The following PHIP variants were observed in gnomAD, a reference collection of about 807,000 sequenced individuals.
The protein encoded by PHIP is PH-interacting protein.
Under a neutral mutation model 236.8 loss-of-function variants are expected in PHIP, and 54 were observed. The observed-to-expected ratio is 0.23, with a 90% CI of 0.18 to 0.29. The LOEUF (loss-of-function observed/expected upper bound fraction) is 0.29, where lower values mean the gene tolerates loss of function less well. PHIP is among the 10% of genes least tolerant of loss of function. PHIP has a pLI of 1.00. For missense variants in PHIP, 1,370 were observed against 2,190.8 expected, an observed-to-expected ratio of 0.63 and a Z score of 7.48; for synonymous variants, 756 against 718.9, an observed-to-expected ratio of 1.05 and a Z score of -0.83.
chr6:78,997,562 G>A lies in PHIP; in HGVS notation c.2053C>T (p.Pro685Ser), dbSNP rs775612705. The A allele has an allele frequency of 6.2e-7, 1 of 1,613,756 alleles. No individual in the cohort carries two copies. The highest frequency in any genetic ancestry group is 1.1e-5 in the South Asian group (1 of 91,056). The change falls in exon 19 of 40, where the codon CCA (proline) becomes TCA (serine). Residue 685 changes from proline to serine, a missense_variant. Around this residue, in one of 14 missense-constraint regions of PHIP, gnomAD observed 133 missense variants for 245.2 expected, o/e 0.54. Transcript: ENST00000275034. ...ISSTSEVHSP[P>S]NVGLRRSGQI... is the part of the protein sequence containing the mutation. ...CCACTACGTCTTAGTCCTACGTTTG[G>A]TGGTGAATGAACCTCTGAGGTAGAA... is the stretch of plus-strand genomic sequence containing the variant.
rs1039402506 is a variant in PHIP, at chr6:79,078,229, G to A, written c.-161C>T. On this transcript the variant is annotated 5_prime_UTR_variant, in exon 1 of 40. Coordinates refer to ENST00000275034, the MANE Select transcript of PHIP (RefSeq NM_017934.7). ...GGCGGAGGCGGAGGAGGAGGAGGAG[G>A]AAACAACAACTCTCAGGCAGCGACT... 10 of 647,986 alleles carry A rather than the reference G, an allele frequency of 1.5e-5. No individual in the cohort carries two copies. The highest frequency in any genetic ancestry group is 7.7e-5 in the South Asian group (4 of 51,736). 40.1% of individuals were successfully genotyped at this position (647,986 alleles called of 1,614,324 possible).
intron 19 of PHIP, among the ~76,000 whole-genome samples, chr6:78,992,109 T>C (rs1008760661): frequency 6.6e-6 from 1 of 151,564 alleles, no homozygotes; most frequent in Non-Finnish European, 1.5e-5. Flanking sequence ...ACTACATGCG[T>C]CCGCCACCTC....
chr6:78,963,284 A>G (rs754666635), intron 29 of PHIP, 32 bp from the exon 30 acceptor site: 1 of 1,552,258 alleles, frequency 6.4e-7, no homozygotes, highest in South Asian at 1.2e-5. Context: ...TTGCAAATAC[A>G]TGGTAACTTA....
chr6:78,947,550 A>C (rs190087622), intron 36 of PHIP, 73 bp downstream of exon 36: 1 of 713,596 alleles, frequency 1.4e-6, no homozygotes, highest in Admixed American at 2.8e-5. Flanking sequence ...ATTTTAAGTA[A>C]AGCAACATTT....
intron 15 of PHIP, among the ~76,000 whole-genome samples, chr6:79,006,658 T>A (rs1770307168): frequency 6.6e-6 from 1 of 152,068 alleles, no homozygotes; most frequent in South Asian, 2.1e-4. Context: ...AATTTAATAC[T>A]ACATATAGCT....
Position 78,982,986 on chromosome 6 carries a change from T to C in PHIP, c.2669A>G (p.Gln890Arg), listed in dbSNP as rs779671296. 2 of 1,609,670 alleles carry C rather than the reference T, an allele frequency of 1.2e-6. No individual in the cohort carries two copies. Among genetic ancestry groups the C allele is most frequent in the South Asian group, 2.2e-5 (2 of 90,482 alleles). Reference sequence around the variant, plus strand: ...TTCCTTTTTAATCTGTTTTTGCTTCTGTTTTTCAGATTCTTCTTCTTCATC... The same window carrying C: ...TTCCTTTTTAATCTGTTTTTGCTTCCGTTTTTCAGATTCTTCTTCTTCATC... Reference protein sequence around the residue: ...SSDEEEESEKQKQKQIKKEKK... With the variant: ...SSDEEEESEKRKQKQIKKEKK... Residue 890 changes from glutamine (Q) to arginine (R), a missense_variant, in exon 23 of 40, where the codon CAG becomes CGG. Physicochemically the swap from Gln to Arg is conservative, Grantham distance 43. This residue lies in a region of PHIP where 76 missense variants were observed against 76.4 expected (regional missense o/e 0.99). Transcript: ENST00000275034.
intron 4 of PHIP, among the ~76,000 whole-genome samples, chr6:79,062,905 C>G (rs1437735805): frequency 3.9e-5 from 6 of 152,196 alleles, no homozygotes; most frequent in Non-Finnish European, 8.8e-5. Flanking sequence ...CTTCCATGAC[C>G]TATTTACACC....
chr6:78,982,799 CAAT>C (rs1768625114), intron 23 of PHIP, 84 bp downstream of exon 23: 1 of 785,482 alleles, frequency 1.3e-6, no homozygotes, highest in South Asian at 2.0e-5. Context: ...TACACTTCAA[CAAT>C]GTTTGTGATC....
chr6:79,048,320 G>A (rs1490744268), intron 6 of PHIP, among the ~76,000 whole-genome samples: 1 of 151,818 alleles, frequency 6.6e-6, no homozygotes, highest in East Asian at 1.9e-4. Flanking sequence ...ACATAATAAA[G>A]TTACCTCATT....
intron 6 of PHIP, among the ~76,000 whole-genome samples, chr6:79,059,625 A>ATATATATATATATATATATAT (rs1562216779): frequency 4.0e-4 from 23 of 58,154 alleles, no homozygotes; most frequent in South Asian, 9.8e-4. Context: ...ATATATATAT[A>ATATATATATATATATATATAT]AAAATGCCAA....
At chr6:79,015,052 T>C (rs1206318937) in intron 15 of PHIP, 30 bp downstream of exon 15, 6 of 1,582,280 alleles carry the variant, frequency 3.8e-6, no homozygotes, top group Admixed American at 1.7e-5. Context: ...AAATCTTTAG[T>C]AGGTATAAAA....
intron 4 of PHIP, among the ~76,000 whole-genome samples, chr6:79,061,851 T>C (rs1773398728): frequency 6.6e-6 from 1 of 151,836 alleles, no homozygotes; most frequent in African/African-American, 2.4e-5. Flanking sequence ...TGGGGGGAGG[T>C]GAGGATTTAA....
intron 27 of PHIP, among the ~76,000 whole-genome samples, chr6:78,968,473 G>A (rs1364025479): frequency 3.3e-5 from 5 of 152,188 alleles, no homozygotes; most frequent in East Asian, 3.9e-4. Flanking sequence ...ATATGGAAGG[G>A]CCAACTTTTC....
At chr6:79,004,396 A>G in intron 15 of PHIP, 1 of 984,998 alleles carries the variant, frequency 1.0e-6, no homozygotes, top group Non-Finnish European at 1.2e-6. Context: ...TCTGTTTTCC[A>G]GTTCCATTAA....
At chr6:78,950,589 A>G (rs772484735) in intron 35 of PHIP, among the ~76,000 whole-genome samples, 4 of 152,110 alleles carry the variant, frequency 2.6e-5, no homozygotes, top group Non-Finnish European at 5.9e-5. Context: ...ATATCGGTCT[A>G]TTTCATGTAA....
intron 35 of PHIP, among the ~76,000 whole-genome samples, chr6:78,952,732 A>G (rs1766127238): frequency 6.6e-6 from 1 of 152,074 alleles, no homozygotes; most frequent in Non-Finnish European, 1.5e-5. Context: ...CCAGGATTCT[A>G]TTTAGTTGAT....
At position 78,988,294 on chromosome 6, in the gene PHIP, T is replaced by C; in HGVS notation, c.2375A>G (p.Asn792Ser). The change falls in exon 21 of 40, where the codon AAT becomes AGT. Residue 792 changes from asparagine (N) to serine (S), a missense_variant. Around this residue, in one of 14 missense-constraint regions of PHIP, gnomAD observed 99 missense variants for 110.0 expected, o/e 0.90. Transcript: ENST00000275034. Reference sequence around the variant, plus strand: ...AGATCTTGTACGATAATTGTGTTGATTTGTCTGTTGCTTTTTGGATTCTCC... The same window carrying C: ...AGATCTTGTACGATAATTGTGTTGACTTGTCTGTTGCTTTTTGGATTCTCC... Reference protein sequence around the residue: ...DLGESKKQQTNQHNYRTRSAL... With the variant: ...DLGESKKQQTSQHNYRTRSAL... The C allele has an allele frequency of 6.2e-7, 1 of 1,607,392 alleles. No individual in the cohort carries two copies. The highest frequency in any genetic ancestry group is 8.5e-7 in the Non-Finnish European group (1 of 1,175,100).
chr6:79,031,950 T>G (rs1184532067), intron 7 of PHIP, among the ~76,000 whole-genome samples: 3 of 152,228 alleles, frequency 2.0e-5, no homozygotes, highest in Non-Finnish European at 4.4e-5. Flanking sequence ...ATAGTCATAC[T>G]TCCTAGATAC....
At chr6:79,076,896 T>A (rs1774187294) in intron 4 of PHIP, among the ~76,000 whole-genome samples, 1 of 152,198 alleles carries the variant, frequency 6.6e-6, no homozygotes, top group African/African-American at 2.4e-5. Context: ...CAGGACTGAA[T>A]TTAAGGAAAA....
Sources: gnomAD v4.1 joint callset for allele counts (sites outside exome capture counted in the v4.1 genomes callset) on GRCh38, gnomAD v4.1.1 for gene constraint, gnomAD v4.1.1 regional missense constraint, MANE v1.5 for transcripts, NCBI Gene and HGNC (gene_info 2026-07-23, HGNC 2026-07-21) for gene names.